BAIAP2: variants seen among roughly 807,000 people sequenced by gnomAD.
BAIAP2 encodes BAR/IMD domain containing adaptor protein 2.
A neutral mutation model predicts 63.0 loss-of-function variants in BAIAP2; 18 were observed. The observed-to-expected ratio is 0.29, with a 90% CI of 0.20 to 0.42. BAIAP2 has a LOEUF of 0.42. Ranked by LOEUF, BAIAP2 falls within the 10% of genes least tolerant of loss-of-function variation. The probability of loss-of-function intolerance (pLI) is 1.00; values close to 1 mark genes in which losing one functional copy is unlikely to be tolerated. For synonymous variants in BAIAP2, 386 were observed against 307.6 expected (o/e 1.25, Z -2.67); for missense variants, 610 against 734.3 (o/e 0.83, Z 1.96).
chr17:81,087,696 G>C (rs1442409106), intron 6 of BAIAP2: 1 of 152,228 alleles, frequency 6.6e-6, no homozygotes, highest in Non-Finnish European at 1.5e-5. Context: ...GGGTCCCTCG[G>C]GTGCCCGCTG....
chr17:81,061,123 C>CA (rs567910479), intron 3 of BAIAP2, among the ~76,000 whole-genome samples: 37 of 152,020 alleles, frequency 2.4e-4, no homozygotes, highest in East Asian at 1.2e-3. Context: ...GACTCCGTCT[C>CA]AAAAAAAAGT....
At chr17:81,089,793 C>CG (rs1296379330) in intron 6 of BAIAP2, among the ~76,000 whole-genome samples, 4 of 152,020 alleles carry the variant, frequency 2.6e-5, no homozygotes, top group African/African-American at 9.7e-5. Context: ...TGGGTCTGGG[C>CG]GGGGACCATG....
At chr17:81,089,991 C>G (rs1215606327) in intron 6 of BAIAP2, among the ~76,000 whole-genome samples, 1 of 152,164 alleles carries the variant, frequency 6.6e-6, no homozygotes. Flanking sequence ...GGTCTTTCTT[C>G]CCAGGTCCCA....
chr17:81,096,873 C>G (rs902943542), intron 6 of BAIAP2, among the ~76,000 whole-genome samples: 5 of 152,228 alleles, frequency 3.3e-5, no homozygotes. Context: ...GCAGGAAGCC[C>G]TGGTAGGTGC....
intron 3 of BAIAP2, among the ~76,000 whole-genome samples, chr17:81,069,087 C>T (rs1321166073): frequency 1.3e-5 from 2 of 152,160 alleles, no homozygotes; most frequent in Non-Finnish European, 2.9e-5. Context: ...TCCGGCTGTC[C>T]CCACTGTGCT....
At chr17:81,075,251 G>T (rs541549623) in intron 3 of BAIAP2, among the ~76,000 whole-genome samples, 6 of 152,328 alleles carry the variant, frequency 3.9e-5, no homozygotes, top group African/African-American at 7.2e-5. Flanking sequence ...GGGGCATCTT[G>T]TGGCACTTCC....
chr17:81,035,445 G>C, intron 1 of BAIAP2, 137 bp downstream of exon 1: 1 of 384,776 alleles, frequency 2.6e-6, no homozygotes. Context: ...GGGTCTTCCC[G>C]GCGCGGCCAC....
intron 7 of BAIAP2, among the ~76,000 whole-genome samples, chr17:81,101,435 A>G (rs952209881): frequency 1.3e-5 from 2 of 152,148 alleles, no homozygotes; most frequent in African/African-American, 4.8e-5. Context: ...GTCCATGGGT[A>G]GGAGTTGGGA....
intron 13 of BAIAP2, chr17:81,109,126 C>T (rs1055296320): frequency 6.9e-7 from 1 of 1,455,048 alleles, no homozygotes. Context: ...TGCCCCATGC[C>T]TTTTGGTTGG....
chr17:81,098,313 C>G, intron 6 of BAIAP2: 1 of 605,592 alleles, frequency 1.7e-6, no homozygotes, highest in Non-Finnish European at 2.4e-6. Context: ...TCGCCACTCT[C>G]TCCCCCAAAC....
chr17:81,096,766 T>TC (rs977534837), intron 6 of BAIAP2, among the ~76,000 whole-genome samples: 2 of 152,200 alleles, frequency 1.3e-5, no homozygotes, highest in Non-Finnish European at 2.9e-5. Context: ...CATCATGCCC[T>TC]CCCCAGGCCC....
rs1033047505 is a variant in BAIAP2 at position 81,104,500 on chromosome 17, C to T, written c.1067-14C>T. 1 of 1,581,138 alleles carries T rather than the reference C, an allele frequency of 6.3e-7. No homozygotes were observed. The highest frequency in any genetic ancestry group is 1.1e-5 in the South Asian group (1 of 88,992). On this transcript the variant is annotated splice_polypyrimidine_tract_variant and intron_variant, in intron 9 of 13. Coordinates refer to ENST00000428708, the MANE Select transcript of BAIAP2 (RefSeq NM_001144888.2). ...GCCAGGGGCAGTCCCCTTACCTGTC[C>T]CTTGTCCCAGCAGCCGAGAACAAGA...
chr17:81,039,028 A>G (rs1201576932), intron 1 of BAIAP2, among the ~76,000 whole-genome samples: 1 of 152,168 alleles, frequency 6.6e-6, no homozygotes, highest in African/African-American at 2.4e-5. Flanking sequence ...GTGTTTAAGG[A>G]TACTTCCTGG....
chr17:81,108,949 C>T, intron 13 of BAIAP2: 1 of 1,547,016 alleles, frequency 6.5e-7, no homozygotes, highest in Non-Finnish European at 8.7e-7. Context: ...AGGCAGCCGT[C>T]CTGTGCTTTG....
At chr17:81,113,850 C>T (rs1236579479) in intron 13 of BAIAP2, among the ~76,000 whole-genome samples, 1 of 152,104 alleles carries the variant, frequency 6.6e-6, no homozygotes, top group Non-Finnish European at 1.5e-5. Flanking sequence ...TTGCCACTGA[C>T]TTTCTGATGA....
intron 1 of BAIAP2, among the ~76,000 whole-genome samples, chr17:81,038,023 G>T (rs118133801): frequency 0.052 from 7,855 of 152,320 alleles, 310 homozygotes; most frequent in Admixed American, 0.12. Flanking sequence ...TGTTTGCCGA[G>T]AACATAATCT....
Position 81,106,164 on chromosome 17 carries a change from C to T in BAIAP2, c.1337+18C>T, listed in dbSNP as rs368782848. On this transcript the variant is annotated intron_variant, in intron 11 of 13. Transcript: ENST00000428708. ...CACATGAGGTGAGCTCTGGGCCCAA[C>T]GGGAGTGTAAGATCCCCAGCTCGGG... 3.9e-5 allele frequency: 61 copies of T among 1,567,106 alleles called. No individual in the cohort carries two copies. The highest frequency in any genetic ancestry group is 3.2e-4 in the South Asian group (27 of 85,184).
At position 81,116,445 on chromosome 17, in the gene BAIAP2, C is replaced by T; in HGVS notation, c.*606C>T. ...CAATGTCACAAGGGCCTCCCCAGGC[C>T]CCTCCTGCCTCGGGCAGGCCCCAGC... On this transcript the variant is annotated 3_prime_UTR_variant, in exon 14 of 14. Coordinates refer to ENST00000428708, the MANE Select transcript of BAIAP2 (RefSeq NM_001144888.2). 8.6e-7 allele frequency: 1 copy of T among 1,165,914 alleles called. No homozygotes were observed. Among genetic ancestry groups the T allele is most frequent in the Non-Finnish European group, 1.2e-6 (1 of 835,124 alleles). The allele number at this position is 1,165,914 out of a possible 1,614,324, so 72.2% of individuals were successfully genotyped here.
intron 6 of BAIAP2, among the ~76,000 whole-genome samples, chr17:81,092,836 G>C (rs914526308): frequency 2.0e-5 from 3 of 152,182 alleles, no homozygotes; most frequent in Non-Finnish European, 4.4e-5. Flanking sequence ...TGGACATGCT[G>C]GGGCAGGGGA....
Sources: gnomAD v4.1 joint callset for allele counts (sites outside exome capture counted in the v4.1 genomes callset) on GRCh38, gnomAD v4.1.1 for gene constraint, MANE v1.5 for transcripts, NCBI Gene and HGNC (gene_info 2026-07-23, HGNC 2026-07-21) for gene names.